The following VPS13C variants were observed in gnomAD, a reference collection of about 807,000 sequenced individuals.
The protein encoded by VPS13C is vacuolar protein sorting 13 homolog C, also known as intermembrane lipid transfer protein VPS13C.
In VPS13C, 358 loss-of-function variants were observed where a neutral mutation model predicts 456.8. That is an observed-to-expected ratio of 0.78 (90% CI 0.72 to 0.86). VPS13C has a LOEUF of 0.86. Among genes scored for constraint, VPS13C ranks in the 40% least tolerant of loss-of-function variants. VPS13C has a pLI of 0.00. For missense variants in VPS13C, 4,818 were observed against 4,385.4 expected (o/e 1.10, Z -2.79); for synonymous variants, 1,578 against 1,486.7 (o/e 1.06, Z -1.41).
Position 62,007,404 on chromosome 15 carries a change from T to G in VPS13C, c.1194A>C (p.Ile398=), listed in dbSNP as rs9635356. ...RYTQMWSWSN[I]KKHRQLLKSY... ...TCTTGAGTAACTGCCTGTGCTTTTT[T>G]ATGTTACTCCATGACCACATCTGTG... The change falls in exon 15 of 85, where the codon ATA becomes ATC. Residue 398 remains isoleucine, a synonymous_variant. Transcript: ENST00000644861. 0.041 allele frequency: 66,690 copies of G among 1,612,426 alleles called. 3,284 individuals are homozygous for G. Among genetic ancestry groups the G allele is most frequent in the East Asian group, 0.21 (9,492 of 44,682 alleles).
At chr15:61,904,865 G>A (rs2043108627) in intron 66 of VPS13C, among the ~76,000 whole-genome samples, 1 of 152,036 alleles carries the variant, frequency 6.6e-6, no homozygotes, top group South Asian at 2.1e-4. Context: ...TATGTTAAGT[G>A]AAGTCAGTCA....
At chr15:62,009,471 C>G (rs747666705) in intron 13 of VPS13C, among the ~76,000 whole-genome samples, 2 of 151,930 alleles carry the variant, frequency 1.3e-5, no homozygotes, top group African/African-American at 2.4e-5. Context: ...TGAAATGTGT[C>G]TAGTCTGAAC....
At chr15:61,990,964 T>G in intron 18 of VPS13C, 36 bp downstream of exon 18, 3 of 1,431,206 alleles carry the variant, frequency 2.1e-6, no homozygotes, top group Non-Finnish European at 2.9e-6. Flanking sequence ...TATAGTACAA[T>G]GAGACAAAAT....
chr15:62,023,389 T>C, intron 8 of VPS13C, 22 bp downstream of exon 8: 16 of 1,290,296 alleles, frequency 1.2e-5, no homozygotes, highest in Non-Finnish European at 1.7e-5. Flanking sequence ...AATTATTAAC[T>C]GAGTAAATAA....
At chr15:61,949,042 G>C (rs1292774083) in intron 42 of VPS13C, among the ~76,000 whole-genome samples, 3 of 152,132 alleles carry the variant, frequency 2.0e-5, no homozygotes, top group African/African-American at 7.2e-5. Context: ...GTCCCACTAA[G>C]CATTTAAAAT....
intron 64 of VPS13C, 94 bp downstream of exon 64, chr15:61,910,083 A>C (rs2043260803): frequency 1.4e-6 from 1 of 740,134 alleles, no homozygotes; most frequent in Non-Finnish European, 1.7e-6. Flanking sequence ...ATATGTAACA[A>C]ACCTGCACGT....
chr15:62,028,336 A>G (rs1390625070), intron 6 of VPS13C, 22 bp downstream of exon 6: 18 of 1,611,750 alleles, frequency 1.1e-5, no homozygotes, highest in Non-Finnish European at 1.5e-5. Context: ...ATAGTTGAAT[A>G]TAATTAACCA....
rs553650648 is a variant in VPS13C, at chr15:61,966,661, C to G, written c.2992-519G>C. On this transcript the variant is annotated intron_variant, in intron 29 of 84. Transcript: ENST00000644861. ...AACAAATTCAAACTCAAAGATTTAC[C>G]TCCTGTGAGAAGTCTTCTGGCCTTG... Among the ~76,000 whole-genome samples the G allele has an allele frequency of 3.2e-4, 49 of 151,964 alleles. No individual in the cohort carries two copies. In the South Asian group the frequency reaches 9.9e-3, roughly 31 times the overall value.
chr15:62,028,128 A>C (rs1034801798), intron 6 of VPS13C, among the ~76,000 whole-genome samples: 1 of 152,068 alleles, frequency 6.6e-6, no homozygotes, highest in Non-Finnish European at 1.5e-5. Context: ...TTACCCCACA[A>C]ACATCCAGCA....
chr15:61,946,442 A>T (rs760546110), intron 43 of VPS13C, 32 bp from the exon 44 acceptor site: 25 of 1,522,550 alleles, frequency 1.6e-5, no homozygotes, highest in Non-Finnish European at 2.1e-5. Context: ...TAAACTTTTC[A>T]CCCAATCCAC....
intron 16 of VPS13C, 98 bp downstream of exon 16, chr15:62,000,465 TA>T: frequency 2.5e-6 from 3 of 1,177,558 alleles, no homozygotes; most frequent in Non-Finnish European, 3.6e-6. Flanking sequence ...AATTAAGCAA[TA>T]AAAACCTCAC....
At position 61,925,552 on chromosome 15, in the gene VPS13C, T is replaced by TA. The variant is rs751651471; in HGVS notation, c.6517-5dup. On this transcript the variant is annotated splice_polypyrimidine_tract_variant and splice_region_variant and intron_variant, in intron 52 of 84. Coordinates refer to ENST00000644861, the MANE Select transcript of VPS13C (RefSeq NM_020821.3). ...ATAAAGAACAGGGCTGCAAGACCTA[T>TA]AAACAGATAAATGAAATTCACATTT... 6 of 1,571,666 alleles carry TA rather than the reference T, an allele frequency of 3.8e-6. No homozygotes were observed. The highest frequency in any genetic ancestry group is 4.3e-6 in the Non-Finnish European group (5 of 1,160,454).
At chr15:61,909,209 A>C (rs2043230750) in intron 64 of VPS13C, 84 bp from the exon 65 acceptor site, 1 of 1,542,026 alleles carries the variant, frequency 6.5e-7, no homozygotes, top group Non-Finnish European at 8.8e-7. Flanking sequence ...CGTAAAACAC[A>C]AAAGCTTTGG....
intron 47 of VPS13C, among the ~76,000 whole-genome samples, chr15:61,939,111 T>C (rs1282751607): frequency 1.3e-5 from 2 of 152,212 alleles, no homozygotes; most frequent in East Asian, 1.9e-4. Flanking sequence ...CAAAATTTTA[T>C]CCATGTTCTG....
chr15:61,984,098 G>C, intron 19 of VPS13C, 86 bp from the exon 20 acceptor site: 1 of 1,290,768 alleles, frequency 7.7e-7, no homozygotes, highest in Admixed American at 2.2e-5. Flanking sequence ...TTTTAAAAAC[G>C]TCTTTGAGAA....
chr15:61,897,755 C>T (rs1167043357), intron 66 of VPS13C, among the ~76,000 whole-genome samples: 1 of 151,958 alleles, frequency 6.6e-6, no homozygotes, highest in Non-Finnish European at 1.5e-5. Flanking sequence ...CAGAAAACAC[C>T]ACAAAGATAC....
chr15:61,955,836 G>A (rs768776499), intron 37 of VPS13C, among the ~76,000 whole-genome samples: 89 of 152,084 alleles, frequency 5.9e-4, no homozygotes, highest in Non-Finnish European at 1.1e-3. Context: ...ATGTTGGCCA[G>A]GTTGTAGAAA....
chr15:61,996,242 C>T (rs1461563419), intron 16 of VPS13C, among the ~76,000 whole-genome samples: 1 of 152,138 alleles, frequency 6.6e-6, no homozygotes, highest in African/African-American at 2.4e-5. Context: ...CAAACTAACC[C>T]CAGTAATATT....
chr15:62,003,733 C>T (rs1012292736), intron 15 of VPS13C, among the ~76,000 whole-genome samples: 173 of 151,080 alleles, frequency 1.1e-3, no homozygotes, highest in African/African-American at 3.9e-3. Flanking sequence ...GCATGAAGGG[C>T]TGTTGAATTT....
Sources: gnomAD v4.1 joint callset for allele counts (sites outside exome capture counted in the v4.1 genomes callset) on GRCh38, gnomAD v4.1.1 for gene constraint, MANE v1.5 for transcripts, NCBI Gene and HGNC (gene_info 2026-07-23, HGNC 2026-07-21) for gene names.